Variants in VPS13A observed in about 807,000 individuals in gnomAD.
The protein encoded by VPS13A is intermembrane lipid transfer protein VPS13A.
Under a neutral mutation model 390.9 loss-of-function variants are expected in VPS13A, and 264 were observed. The observed-to-expected ratio is 0.68, with a 90% confidence interval of 0.61 to 0.75. The LOEUF (loss-of-function observed/expected upper bound fraction) is 0.75. Ranked by LOEUF, VPS13A falls within the 30% of genes least tolerant of loss-of-function variation. VPS13A has a pLI of 0.00. For synonymous variants in VPS13A, 1,231 were observed against 1,227.1 expected, an observed-to-expected ratio of 1.00 and a Z score of -0.07; for missense variants, 3,409 against 3,733.9, an observed-to-expected ratio of 0.91 and a Z score of 2.27.
At chr9:77,348,938 A>T (rs537993705) in intron 52 of VPS13A, among the ~76,000 whole-genome samples, 1 of 152,208 alleles carries the variant, frequency 6.6e-6, no homozygotes, top group Non-Finnish European at 1.5e-5. Flanking sequence ...TTTTAAACCA[A>T]ATTTATTTGA....
chr9:77,252,515 A>G (rs568511371), intron 22 of VPS13A, among the ~76,000 whole-genome samples, 163 bp downstream of exon 22: 2 of 152,248 alleles, frequency 1.3e-5, no homozygotes. Context: ...CCATTTTGAT[A>G]ATTTTTAAGA....
chr9:77,336,407 A>T (rs1830539405), intron 46 of VPS13A, among the ~76,000 whole-genome samples: 1 of 152,170 alleles, frequency 6.6e-6, no homozygotes, highest in African/African-American at 2.4e-5. Flanking sequence ...TATCATACTG[A>T]TGTTTAAAAA....
chr9:77,335,415 C>T (rs1830485924), intron 46 of VPS13A, among the ~76,000 whole-genome samples: 1 of 152,020 alleles, frequency 6.6e-6, no homozygotes, highest in Admixed American at 6.5e-5. Context: ...TCAGAGGGAA[C>T]AGGTAACCTG....
Position 77,368,084 on chromosome 9 carries a change from TCCATACAACATCC to T in VPS13A, c.8502_8514del (p.Phe2834LeufsTer8). ...GCATTTTTTGAACTCAACTATCAGT[TCCATACAACATCC>T]GATCTACAGTCTGAAGTCATAAGAC... On this transcript the variant is annotated frameshift_variant, in exon 62 of 72. Coordinates refer to ENST00000360280, the MANE Select transcript of VPS13A (RefSeq NM_033305.3). LOFTEE classifies it high-confidence loss of function. 6.2e-7 allele frequency: 1 copy of T among 1,612,602 alleles called. No individual in the cohort carries two copies. Among genetic ancestry groups the T allele is most frequent in the Non-Finnish European group, 8.5e-7 (1 of 1,179,554 alleles).
chr9:77,201,767 A>C (rs770287088), intron 3 of VPS13A, among the ~76,000 whole-genome samples: 23 of 152,168 alleles, frequency 1.5e-4, no homozygotes, highest in Non-Finnish European at 3.1e-4. Context: ...TAGGTTCTGC[A>C]TCATCCAGGC....
At chr9:77,325,419 T>A (rs1314223274) in intron 45 of VPS13A, among the ~76,000 whole-genome samples, 3 of 151,064 alleles carry the variant, frequency 2.0e-5, no homozygotes, top group African/African-American at 7.3e-5. Context: ...TTTTTTTTTT[T>A]AACATAATCT....
chr9:77,206,826 C>G (rs1207749478), intron 5 of VPS13A, among the ~76,000 whole-genome samples: 2 of 152,052 alleles, frequency 1.3e-5, no homozygotes, highest in Non-Finnish European at 2.9e-5. Flanking sequence ...AGTTTACTGA[C>G]TTCACTGTCT....
rs966562429 is a variant in VPS13A at position 77,353,634 on chromosome 9, A to G, written c.7645A>G (p.Ile2549Val). 29 of 1,612,738 alleles carry G rather than the reference A, an allele frequency of 1.8e-5. No individual in the cohort carries two copies. Among genetic ancestry groups the G allele is most frequent in the Admixed American group, 1.2e-4 (7 of 59,958 alleles). Residue 2549 changes from isoleucine (I) to valine (V), a missense_variant, in exon 54 of 72, where the codon ATT becomes GTT. Ile to Val is a conservative substitution (Grantham distance 29). Around this residue, in one of 5 missense-constraint regions of VPS13A, gnomAD observed 221 missense variants for 300.7 expected, o/e 0.73. Transcript: ENST00000360280. ...YTKQEVAYIG[I>V]TSSDVVWETK... ...GAAGCAAGAAGTAGCCTATATAGGC[A>G]TTACAAGGTTAGATGCATTAAATTT...
At chr9:77,413,284 T>G (rs1157857822) in intron 71 of VPS13A, among the ~76,000 whole-genome samples, 1 of 152,084 alleles carries the variant, frequency 6.6e-6, no homozygotes, top group Non-Finnish European at 1.5e-5. Flanking sequence ...CATCGCCAAG[T>G]CAATCCTAAG....
rs780209573 is a variant in VPS13A at position 77,293,430 on chromosome 9, T to C, written c.3429T>C (p.Asn1143=). The change falls in exon 32 of 72, where the codon AAT becomes AAC. Residue 1143 remains asparagine, a synonymous_variant. Transcript: ENST00000360280. ...ATAGSAYTDM[N]VVDIQVNLIV... is the part of the protein sequence containing the mutation. ...CTGGTTCTGCATACACAGATATGAA[T>C]GTGGTTGACATTCAGGTTAATTTAA... 8.7e-6 allele frequency: 14 copies of C among 1,611,072 alleles called. No homozygotes were observed. Among genetic ancestry groups the C allele is most frequent in the Middle Eastern group, 3.3e-4 (2 of 6,036 alleles).
intron 45 of VPS13A, among the ~76,000 whole-genome samples, chr9:77,330,554 T>C (rs1461238079): frequency 6.6e-6 from 1 of 152,212 alleles, no homozygotes; most frequent in East Asian, 1.9e-4. Flanking sequence ...ATGTGTTTCT[T>C]AATAGGCTCC....
intron 41 of VPS13A, among the ~76,000 whole-genome samples, chr9:77,319,102 C>G (rs916676534): frequency 3.3e-5 from 5 of 149,304 alleles, no homozygotes. Flanking sequence ...CTGAGGTGGA[C>G]GATCACTTGA....
rs369212751 is a variant in VPS13A, at chr9:77,275,492, A to G, written c.2513-6A>G. The G allele has an allele frequency of 1.2e-6, 2 of 1,613,046 alleles. No homozygotes were observed. The highest frequency in any genetic ancestry group is 1.7e-6 in the Non-Finnish European group (2 of 1,179,238). On this transcript the variant is annotated splice_region_variant and splice_polypyrimidine_tract_variant and intron_variant, in intron 24 of 71. Transcript: ENST00000360280. The stretch of plus-strand genomic sequence containing the variant: ...ATTGACTTAAATAATGTTCTGTGAA[A>G]TGTAGATTCAGAGGAGGAATTTTTT...
intron 42 of VPS13A, among the ~76,000 whole-genome samples, chr9:77,320,740 C>T (rs989346093): frequency 6.6e-6 from 1 of 152,038 alleles, no homozygotes; most frequent in Non-Finnish European, 1.5e-5. Context: ...TTCTTATGAG[C>T]TCTAGGTTTA....
intron 67 of VPS13A, among the ~76,000 whole-genome samples, chr9:77,374,666 A>T (rs1004266319): frequency 2.6e-5 from 4 of 152,224 alleles, no homozygotes; most frequent in Non-Finnish European, 5.9e-5. Context: ...ATACTAGTGT[A>T]TATGCATATC....
chr9:77,219,603 G>A (rs747212061), intron 10 of VPS13A, among the ~76,000 whole-genome samples: 4 of 152,018 alleles, frequency 2.6e-5, no homozygotes, highest in Non-Finnish European at 5.9e-5. Context: ...AATCCTCTTA[G>A]CATTTCTAAT....
chr9:77,214,012 A>G (rs1424453079), intron 9 of VPS13A, among the ~76,000 whole-genome samples: 1 of 151,868 alleles, frequency 6.6e-6, no homozygotes, highest in East Asian at 1.9e-4. Context: ...GTGGTGGCTC[A>G]CACCTGTAAT....
At chr9:77,288,044 C>T (rs1399245062) in intron 31 of VPS13A, among the ~76,000 whole-genome samples, 1 of 152,148 alleles carries the variant, frequency 6.6e-6, no homozygotes, top group East Asian at 1.9e-4. Context: ...AGCCCTTCTC[C>T]CCATCCTAGC....
At chr9:77,261,828 G>A (rs1309825792) in intron 23 of VPS13A, among the ~76,000 whole-genome samples, 2 of 152,046 alleles carry the variant, frequency 1.3e-5, no homozygotes, top group Non-Finnish European at 2.9e-5. Context: ...CAAGTGATCT[G>A]CCTGCACTGG....
Sources: allele counts gnomAD v4.1 joint callset (sites outside exome capture counted in the v4.1 genomes callset), GRCh38; gene constraint gnomAD v4.1.1; regional missense constraint gnomAD v4.1.1; transcripts MANE v1.5; gene names NCBI Gene and HGNC (gene_info 2026-07-23, HGNC 2026-07-21).